Variants in CCSER1 observed in about 807,000 individuals in gnomAD.
CCSER1 encodes the protein serine-rich coiled-coil domain-containing protein 1.
CCSER1 carries 41 observed loss-of-function variants against 82.0 expected under a neutral mutation model. The ratio of observed to expected loss-of-function variants is 0.50; its 90% CI spans 0.39 to 0.65. The LOEUF (loss-of-function observed/expected upper bound fraction) is 0.65, where lower values mean the gene tolerates loss of function less well. Among genes scored for constraint, CCSER1 ranks in the 30% least tolerant of loss-of-function variants. The probability of loss-of-function intolerance (pLI) is 0.00; values close to 1 mark genes in which losing one functional copy is unlikely to be tolerated. For synonymous variants in CCSER1, 414 were observed against 383.9 expected (o/e 1.08, Z -0.92); for missense variants, 1,119 against 1,064.2 (o/e 1.05, Z -0.72).
At chr4:90,563,241 A>G (rs1001391719) in intron 5 of CCSER1, among the ~76,000 whole-genome samples, 1 of 151,862 alleles carries the variant, frequency 6.6e-6, no homozygotes, top group Non-Finnish European at 1.5e-5. Context: ...CCTCCCAAGT[A>G]GCTGGGATTA....
intron 3 of CCSER1, among the ~76,000 whole-genome samples, chr4:90,377,644 T>G (rs1467393542): frequency 6.6e-6 from 1 of 152,098 alleles, no homozygotes. Flanking sequence ...ACATGCCTTA[T>G]TTTTGGAAAC....
intron 1 of CCSER1, among the ~76,000 whole-genome samples, chr4:90,201,643 T>C (rs962735167): frequency 6.6e-6 from 1 of 151,942 alleles, no homozygotes; most frequent in African/African-American, 2.4e-5. Context: ...AACATCTTAA[T>C]TTGGACAAGA....
intron 5 of CCSER1, among the ~76,000 whole-genome samples, chr4:90,512,166 T>A (rs556181186): frequency 2.0e-5 from 3 of 152,060 alleles, no homozygotes; most frequent in Non-Finnish European, 4.4e-5. Context: ...TCTCTAAAAC[T>A]GATCTGCCTG....
chr4:90,832,567 A>C (rs1467319401), intron 8 of CCSER1, among the ~76,000 whole-genome samples: 1 of 152,186 alleles, frequency 6.6e-6, no homozygotes, highest in African/African-American at 2.4e-5. Context: ...TCCATAAAAA[A>C]ATAAAATAGT....
intron 10 of CCSER1, among the ~76,000 whole-genome samples, chr4:91,307,366 T>A (rs956990034): frequency 2.6e-5 from 4 of 151,956 alleles, no homozygotes; most frequent in Non-Finnish European, 5.9e-5. Context: ...TGATGCTTTT[T>A]TTTCTTTAGT....
At chr4:90,374,938 G>A (rs1015187532) in intron 3 of CCSER1, among the ~76,000 whole-genome samples, 8 of 152,088 alleles carry the variant, frequency 5.3e-5, no homozygotes, top group African/African-American at 1.9e-4. Context: ...TACCATCCAC[G>A]ATTATCTGTT....
At chr4:90,414,699 T>A (rs953759525) in intron 4 of CCSER1, among the ~76,000 whole-genome samples, 3 of 152,076 alleles carry the variant, frequency 2.0e-5, no homozygotes, top group East Asian at 1.9e-4. Context: ...CATATTTTTT[T>A]AAAAAGGGGT....
At chr4:90,908,749 A>G (rs566902264) in intron 8 of CCSER1, among the ~76,000 whole-genome samples, 60 of 152,082 alleles carry the variant, frequency 3.9e-4, no homozygotes, top group Non-Finnish European at 6.3e-4. Context: ...CCTCATGACT[A>G]CTCTATTGGA....
intron 4 of CCSER1, among the ~76,000 whole-genome samples, chr4:90,442,832 T>G (rs993037289): frequency 6.6e-6 from 1 of 152,180 alleles, no homozygotes; most frequent in Admixed American, 6.5e-5. Flanking sequence ...AGGGAATTAC[T>G]GGGAGAGGAT....
At chr4:90,285,828 A>C (rs536192338) in intron 1 of CCSER1, among the ~76,000 whole-genome samples, 3 of 151,970 alleles carry the variant, frequency 2.0e-5, no homozygotes, top group Non-Finnish European at 4.4e-5. Context: ...CACACTGTTG[A>C]GAGCTTTTAT....
chr4:90,899,569 T>C (rs1286662817), intron 8 of CCSER1, among the ~76,000 whole-genome samples: 3 of 152,022 alleles, frequency 2.0e-5, no homozygotes, highest in African/African-American at 7.3e-5. Flanking sequence ...CCATTCAGTA[T>C]CATGTTGGTT....
rs1237775093 is a variant in CCSER1, at chr4:90,923,237, A to G, written c.2095-133A>G. On this transcript the variant is annotated intron_variant, in intron 8 of 10. Transcript: ENST00000509176. ...AAATATTTAAGCTTATTTTAAGAGC[A>G]CTAACACAGCAAAGCATATGCACAG... 8.9e-6 allele frequency: 6 copies of G among 676,450 alleles called. No individual in the cohort carries two copies. In the South Asian group the frequency reaches 9.0e-5, roughly 10 times the overall value. 41.9% of individuals were successfully genotyped at this position (676,450 alleles called of 1,614,324 possible). A position where few individuals can be genotyped will look rare whatever the true frequency, so the allele number is the denominator to read the frequency against.
At chr4:91,169,010 A>C (rs1261140585) in intron 10 of CCSER1, among the ~76,000 whole-genome samples, 1 of 152,022 alleles carries the variant, frequency 6.6e-6, no homozygotes, top group Non-Finnish European at 1.5e-5. Flanking sequence ...CATGCTCCTT[A>C]AGAGTCATCA....
intron 5 of CCSER1, among the ~76,000 whole-genome samples, chr4:90,586,158 G>A (rs988110864): frequency 2.0e-5 from 3 of 152,066 alleles, no homozygotes; most frequent in African/African-American, 4.8e-5. Context: ...TCAGATTAGC[G>A]CTGGCATTAG....
chr4:91,059,256 GT>G (rs11288453), intron 9 of CCSER1, among the ~76,000 whole-genome samples: 30,034 of 119,432 alleles, frequency 0.25, 3,321 homozygotes, highest in African/African-American at 0.35. Flanking sequence ...ATATAATAAA[GT>G]TTTTTTTTTC....
intron 3 of CCSER1, among the ~76,000 whole-genome samples, chr4:90,385,657 T>G (rs1749926358): frequency 6.6e-6 from 1 of 152,048 alleles, no homozygotes; most frequent in Non-Finnish European, 1.5e-5. Flanking sequence ...GAGACAGGGT[T>G]TCACCGTGTT....
intron 3 of CCSER1, among the ~76,000 whole-genome samples, chr4:90,379,902 G>GA (rs1748949330): frequency 6.6e-6 from 1 of 152,110 alleles, no homozygotes; most frequent in Non-Finnish European, 1.5e-5. Context: ...GGCAAAGGGG[G>GA]AACAAGATGT....
At chr4:91,595,760 T>G (rs1249681822) in intron 10 of CCSER1, among the ~76,000 whole-genome samples, 2 of 151,922 alleles carry the variant, frequency 1.3e-5, no homozygotes, top group Non-Finnish European at 2.9e-5. Flanking sequence ...GGGTCTTATA[T>G]GAACAGCCCT....
chr4:90,184,406 C>A (rs115068216), intron 1 of CCSER1, among the ~76,000 whole-genome samples: 3,171 of 152,126 alleles, frequency 0.021, 42 homozygotes, highest in South Asian at 0.035. Flanking sequence ...ATCTGACTGA[C>A]TTCTTAAAAT....
Sources: allele counts gnomAD v4.1 joint callset (sites outside exome capture counted in the v4.1 genomes callset), GRCh38; gene constraint gnomAD v4.1.1; transcripts MANE v1.5; gene names NCBI Gene and HGNC (gene_info 2026-07-23, HGNC 2026-07-21).